MINDY4: variants seen among roughly 807,000 people sequenced by gnomAD.
The protein encoded by MINDY4 is MINDY lysine 48 deubiquitinase 4, also known as probable ubiquitin carboxyl-terminal hydrolase MINDY-4.
In MINDY4, 68 loss-of-function variants were observed where a neutral mutation model predicts 87.0. The ratio of observed to expected loss-of-function variants is 0.78; its 90% CI spans 0.64 to 0.96. The LOEUF (loss-of-function observed/expected upper bound fraction) is 0.96, where lower values mean the gene tolerates loss of function less well. Ranked by LOEUF, MINDY4 falls within the 40% of genes least tolerant of loss-of-function variation. The pLI is 0.00. For missense variants in MINDY4, 919 were observed against 928.2 expected (o/e 0.99, Z 0.13); for synonymous variants, 379 against 363.2 (o/e 1.04, Z -0.50).
chr7:30,841,411 T>G (rs981188548), intron 9 of MINDY4, among the ~76,000 whole-genome samples: 3 of 152,278 alleles, frequency 2.0e-5, no homozygotes, highest in Admixed American at 1.3e-4. Flanking sequence ...AGATGAGTTC[T>G]GTCCTCTCCA....
chr7:30,849,980 C>G lies in MINDY4; in HGVS notation c.1446-474C>G, dbSNP rs544056259. On this transcript the variant is annotated intron_variant, in intron 9 of 17. Coordinates refer to ENST00000265299, the MANE Select transcript of MINDY4 (RefSeq NM_032222.3). ...AATGTCCAGCAAGTGAGGCTGCTGT[C>G]CCCTTGGCCCTGGCAGTGAATAGCA... 7.9e-5 allele frequency among the ~76,000 whole-genome samples: 12 copies of G among 152,378 alleles called. No homozygotes were observed. In the South Asian group the frequency reaches 2.1e-3, roughly 26 times the overall value.
intron 5 of MINDY4, among the ~76,000 whole-genome samples, chr7:30,813,324 G>GCCCTGT (rs574597208): frequency 1.3e-5 from 2 of 152,176 alleles, no homozygotes; most frequent in Non-Finnish European, 2.9e-5. Context: ...AGGGAAACTT[G>GCCCTGT]CCCTGTGTTA....
chr7:30,792,299 C>T (rs1000218892), intron 5 of MINDY4, among the ~76,000 whole-genome samples: 17 of 152,074 alleles, frequency 1.1e-4, no homozygotes, highest in Middle Eastern at 3.2e-3. Context: ...ATTAATATTT[C>T]GTGTAGGGGT....
intron 5 of MINDY4, among the ~76,000 whole-genome samples, chr7:30,823,971 A>G (rs1788419633): frequency 6.6e-6 from 1 of 152,156 alleles, no homozygotes; most frequent in East Asian, 1.9e-4. Flanking sequence ...AATTTCTTAT[A>G]TTCTAGATTC....
chr7:30,862,010 A>T (rs1789781385), intron 13 of MINDY4, among the ~76,000 whole-genome samples: 1 of 152,240 alleles, frequency 6.6e-6, no homozygotes. Flanking sequence ...TTGAGAAGAC[A>T]CCCAGCTCTC....
chr7:30,852,195 G>A (rs758236859), intron 10 of MINDY4, 21 bp from the exon 11 acceptor site: 1 of 1,614,052 alleles, frequency 6.2e-7, no homozygotes, highest in South Asian at 1.1e-5. Context: ...GAGGACTCAT[G>A]CACCTTCCTT....
At chr7:30,805,313 T>A (rs1055000887) in intron 5 of MINDY4, among the ~76,000 whole-genome samples, 1 of 152,202 alleles carries the variant, frequency 6.6e-6, no homozygotes, top group African/African-American at 2.4e-5. Context: ...TAGGGGCACC[T>A]GAAGGGGAGG....
chr7:30,851,300 T>C (rs1584314872), intron 10 of MINDY4, among the ~76,000 whole-genome samples: 1 of 152,336 alleles, frequency 6.6e-6, no homozygotes, highest in East Asian at 1.9e-4. Flanking sequence ...CTGTTGCTTA[T>C]TGGCTGTGTG....
intron 14 of MINDY4, 105 bp from the exon 15 acceptor site, chr7:30,875,390 G>T: frequency 1.6e-6 from 2 of 1,282,388 alleles, no homozygotes; most frequent in South Asian, 2.4e-5. Context: ...CTCCCTCCTT[G>T]CTTTCCTTCC....
chr7:30,855,082 G>A (rs770379145), intron 12 of MINDY4, among the ~76,000 whole-genome samples: 2 of 152,200 alleles, frequency 1.3e-5, no homozygotes, highest in Non-Finnish European at 2.9e-5. Context: ...CTGCTGATGC[G>A]GTGCATCCAC....
At chr7:30,825,033 C>T (rs1488258964) in intron 5 of MINDY4, among the ~76,000 whole-genome samples, 2 of 152,104 alleles carry the variant, frequency 1.3e-5, no homozygotes, top group Non-Finnish European at 2.9e-5. Context: ...AGCAGAGGGT[C>T]GAGCCGAGTT....
intron 13 of MINDY4, among the ~76,000 whole-genome samples, chr7:30,862,015 G>C (rs1179422420): frequency 1.3e-5 from 2 of 152,260 alleles, no homozygotes; most frequent in Non-Finnish European, 2.9e-5. Context: ...AAGACACCCA[G>C]CTCTCTCTGA....
chr7:30,810,150 G>A (rs1050007913), intron 5 of MINDY4, among the ~76,000 whole-genome samples: 2 of 143,698 alleles, frequency 1.4e-5, no homozygotes, highest in Admixed American at 1.4e-4. Flanking sequence ...ACTCCAGCCT[G>A]GGCGACAGAG....
chr7:30,863,305 C>T (rs867595526), intron 13 of MINDY4, among the ~76,000 whole-genome samples: 1 of 152,338 alleles, frequency 6.6e-6, no homozygotes, highest in Middle Eastern at 3.4e-3. Flanking sequence ...TGGGAAAACC[C>T]AGCCAGTTCT....
chr7:30,825,151 T>G (rs954173377), intron 5 of MINDY4, among the ~76,000 whole-genome samples: 2 of 152,260 alleles, frequency 1.3e-5, no homozygotes, highest in Non-Finnish European at 2.9e-5. Context: ...TTGATTTATC[T>G]TTTTGTCATT....
intron 15 of MINDY4, among the ~76,000 whole-genome samples, chr7:30,881,141 G>C (rs539515683): frequency 1.3e-5 from 2 of 152,188 alleles, no homozygotes; most frequent in Non-Finnish European, 2.9e-5. Flanking sequence ...CCCGTGGCAC[G>C]TACATAGCTG....
rs575742934 is a variant in MINDY4 at position 30,855,571 on chromosome 7, A to G, written c.1677+2112A>G. ...CCTGAGGGTGATTGCTCAAATGACC[A>G]CAGATCCTGAGGCTTGTAGCTGCCC... is the stretch of plus-strand genomic sequence containing the variant. On this transcript the variant is annotated intron_variant, in intron 12 of 17. Coordinates refer to ENST00000265299, the MANE Select transcript of MINDY4 (RefSeq NM_032222.3). Among the ~76,000 whole-genome samples the G allele has an allele frequency of 5.3e-5, 8 of 152,344 alleles. No homozygotes were observed. The South Asian group carries it at 8.3e-4, about 16-fold the overall frequency.
intron 6 of MINDY4, among the ~76,000 whole-genome samples, chr7:30,833,603 A>G (rs924065920): frequency 6.6e-6 from 1 of 152,236 alleles, no homozygotes; most frequent in Admixed American, 6.5e-5. Context: ...AAAACCAATC[A>G]TGCCTTCCCA....
intron 17 of MINDY4, among the ~76,000 whole-genome samples, chr7:30,886,134 C>A (rs1427704519): frequency 1.3e-5 from 2 of 152,138 alleles, no homozygotes; most frequent in Non-Finnish European, 1.5e-5. Flanking sequence ...CAGTGAGAGC[C>A]CAAGCTCCTG....
Sources: gnomAD v4.1 joint callset for allele counts (sites outside exome capture counted in the v4.1 genomes callset) on GRCh38, gnomAD v4.1.1 for gene constraint, MANE v1.5 for transcripts, NCBI Gene and HGNC (gene_info 2026-07-23, HGNC 2026-07-21) for gene names.